The following ARHGAP15 variants were observed in gnomAD, a reference collection of about 807,000 sequenced individuals.
The protein encoded by ARHGAP15 is Rho GTPase activating protein 15.
ARHGAP15 carries 51 observed loss-of-function variants against 63.7 expected under a neutral mutation model. That is an observed-to-expected ratio of 0.80 (90% CI 0.64 to 1.01). ARHGAP15 has a LOEUF of 1.01. Ranked by LOEUF, ARHGAP15 falls within the 50% of genes least tolerant of loss-of-function variation. The pLI is 0.00. For synonymous variants in ARHGAP15, 191 were observed against 193.8 expected (o/e 0.99, Z 0.12); for missense variants, 560 against 564.6 (o/e 0.99, Z 0.08).
chr2:143,518,775 A>T (rs13388432), intron 9 of ARHGAP15: 47,228 of 152,520 alleles, frequency 0.31, 7,847 homozygotes, highest in East Asian at 0.42. Context: ...AGGCAGGAGA[A>T]ATGCTAAGTA....
chr2:143,255,854 T>TA (rs149852898), intron 6 of ARHGAP15, among the ~76,000 whole-genome samples: 3,743 of 152,240 alleles, frequency 0.025, 131 homozygotes, highest in African/African-American at 0.087. Context: ...GACACGGCAT[T>TA]AAAAATAGAC....
chr2:143,542,828 C>A (rs1278190097), intron 10 of ARHGAP15, among the ~76,000 whole-genome samples: 1 of 117,152 alleles, frequency 8.5e-6, no homozygotes, highest in Non-Finnish European at 1.7e-5. Context: ...TATATAATAT[C>A]ACATATATAG....
chr2:143,439,416 C>A, intron 8 of ARHGAP15, among the ~76,000 whole-genome samples: 2 of 11,556 alleles, frequency 1.7e-4, no homozygotes, highest in African/African-American at 2.6e-4. Context: ...GAGCAAGACT[C>A]TGTCTCAAAA....
At chr2:143,706,068 G>A (rs966160861) in intron 13 of ARHGAP15, among the ~76,000 whole-genome samples, 9 of 152,156 alleles carry the variant, frequency 5.9e-5, no homozygotes, top group African/African-American at 2.2e-4. Context: ...GGGAAGAAGT[G>A]TTGTTTGCTA....
intron 6 of ARHGAP15, among the ~76,000 whole-genome samples, chr2:143,298,927 A>G (rs2105144233): frequency 6.6e-6 from 1 of 152,102 alleles, no homozygotes. Flanking sequence ...GGTCAGAGAA[A>G]AGTGACTTGC....
intron 6 of ARHGAP15, among the ~76,000 whole-genome samples, chr2:143,273,159 A>C (rs984124730): frequency 3.3e-5 from 5 of 152,146 alleles, no homozygotes; most frequent in African/African-American, 9.7e-5. Context: ...TGAACACTAT[A>C]TTATTTTAAA....
At chr2:143,437,151 G>A in intron 8 of ARHGAP15, 109 bp downstream of exon 8, 2 of 1,268,230 alleles carry the variant, frequency 1.6e-6, no homozygotes, top group African/African-American at 1.5e-5. Context: ...ACTCATGGAA[G>A]ATTCGTAGCC....
At chr2:143,666,035 C>CA in intron 12 of ARHGAP15, among the ~76,000 whole-genome samples, 1 of 151,300 alleles carries the variant, frequency 6.6e-6, no homozygotes, top group Non-Finnish European at 1.5e-5. Flanking sequence ...ATCAAGCTAC[C>CA]AATGACTTTC....
At chr2:143,657,404 G>A (rs998497399) in intron 12 of ARHGAP15, among the ~76,000 whole-genome samples, 2 of 152,148 alleles carry the variant, frequency 1.3e-5, no homozygotes, top group Non-Finnish European at 2.9e-5. Flanking sequence ...ATGTTTATGT[G>A]TTTCTGAGGC....
At chr2:143,528,699 T>C (rs955678367) in intron 10 of ARHGAP15, among the ~76,000 whole-genome samples, 1 of 152,160 alleles carries the variant, frequency 6.6e-6, no homozygotes, top group Non-Finnish European at 1.5e-5. Context: ...TTGTTCTTGT[T>C]ATATTTTGCA....
In ARHGAP15 at chr2:143,410,212, C is replaced by T. The variant is rs541587612; in HGVS notation, c.475-25389C>T. Among the ~76,000 whole-genome samples the T allele has an allele frequency of 5.9e-5, 9 of 152,014 alleles. No individual in the cohort carries two copies. The South Asian group carries it at 1.9e-3, about 32-fold the overall frequency. On this transcript the variant is annotated intron_variant, in intron 6 of 13. Transcript: ENST00000295095. ...GAATTCCATTATAAAATGGTATATT[C>T]CTTGTAATGTGAACATCTGTTATTT... is the stretch of plus-strand genomic sequence containing the variant.
chr2:143,533,025 T>C lies in ARHGAP15; in HGVS notation c.925+13661T>C, dbSNP rs1283800948. 2.6e-5 allele frequency among the ~76,000 whole-genome samples: 4 copies of C among 152,344 alleles called. No homozygotes were observed. The East Asian group carries it at 5.8e-4, about 22-fold the overall frequency. On this transcript the variant is annotated intron_variant, in intron 10 of 13. Coordinates refer to ENST00000295095, the MANE Select transcript of ARHGAP15 (RefSeq NM_018460.4). ...TATTTTATGAACAACAACTTCACTTTTAACTTTTTCACTTTCTTGAAGTTT... is the reference window on the plus strand; with the variant it reads ...TATTTTATGAACAACAACTTCACTTCTAACTTTTTCACTTTCTTGAAGTTT...
chr2:143,378,820 A>C (rs1419033104), intron 6 of ARHGAP15, among the ~76,000 whole-genome samples: 2 of 152,088 alleles, frequency 1.3e-5, no homozygotes, highest in African/African-American at 4.8e-5. Context: ...CTGGATAATC[A>C]ATCTCTAAAG....
At chr2:143,460,477 T>C (rs574594450) in intron 8 of ARHGAP15, among the ~76,000 whole-genome samples, 210 of 152,332 alleles carry the variant, frequency 1.4e-3, no homozygotes, top group Non-Finnish European at 1.4e-3. Flanking sequence ...AAACATAATT[T>C]CTTATCAAAG....
intron 13 of ARHGAP15, among the ~76,000 whole-genome samples, chr2:143,751,376 A>C (rs759229359): frequency 1.2e-4 from 19 of 152,300 alleles, no homozygotes; most frequent in Non-Finnish European, 2.1e-4. Flanking sequence ...CGGACTTGAC[A>C]CTTGGAAACT....
At chr2:143,189,545 C>T (rs1174221407) in intron 2 of ARHGAP15, among the ~76,000 whole-genome samples, 1 of 149,964 alleles carries the variant, frequency 6.7e-6, no homozygotes, top group Non-Finnish European at 1.5e-5. Flanking sequence ...TCATTGCAAC[C>T]TCCCCTCTCA....
At chr2:143,716,380 T>C (rs1457367335) in intron 13 of ARHGAP15, among the ~76,000 whole-genome samples, 2 of 152,204 alleles carry the variant, frequency 1.3e-5, no homozygotes, top group Non-Finnish European at 2.9e-5. Flanking sequence ...GTTTCTTATC[T>C]GGGATTAGTA....
intron 4 of ARHGAP15, among the ~76,000 whole-genome samples, chr2:143,220,371 G>A (rs935636701): frequency 6.6e-6 from 1 of 152,196 alleles, no homozygotes; most frequent in East Asian, 1.9e-4. Context: ...ACCAGGCCCA[G>A]CTATTATTTT....
intron 9 of ARHGAP15, among the ~76,000 whole-genome samples, chr2:143,501,210 C>G (rs1693039231): frequency 6.6e-6 from 1 of 152,178 alleles, no homozygotes; most frequent in South Asian, 2.1e-4. Context: ...CTCCCTTGGA[C>G]TCCCTCATAA....
Sources: allele counts gnomAD v4.1 joint callset (sites outside exome capture counted in the v4.1 genomes callset), GRCh38; gene constraint gnomAD v4.1.1; transcripts MANE v1.5; gene names NCBI Gene and HGNC (gene_info 2026-07-23, HGNC 2026-07-21).